The following RIPOR2 variants were observed in gnomAD, a reference collection of about 807,000 sequenced individuals.
The protein encoded by RIPOR2 is RHO family interacting cell polarization regulator 2, also known as rho family-interacting cell polarization regulator 2.
Under a neutral mutation model 114.5 loss-of-function variants are expected in RIPOR2, and 39 were observed. That is an observed-to-expected ratio of 0.34 (90% CI 0.26 to 0.44). The LOEUF is 0.44. Ranked by LOEUF, RIPOR2 falls within the 20% of genes least tolerant of loss-of-function variation. The pLI, the probability that RIPOR2 is intolerant of heterozygous loss-of-function variation, is 1.00. For missense variants in RIPOR2, 1,007 were observed against 1,255.1 expected (o/e 0.80, Z 2.99); for synonymous variants, 445 against 484.4 (o/e 0.92, Z 1.07).
At chr6:24,869,849 C>A (rs1003132702) in intron 5 of RIPOR2, among the ~76,000 whole-genome samples, 8 of 152,070 alleles carry the variant, frequency 5.3e-5, no homozygotes, top group Admixed American at 1.3e-4. Flanking sequence ...AATTGGGGTG[C>A]ATTTTACAAT....
At chr6:24,848,399 C>T (rs959139845) in intron 11 of RIPOR2, among the ~76,000 whole-genome samples, 6 of 152,176 alleles carry the variant, frequency 3.9e-5, no homozygotes, top group Admixed American at 6.5e-5. Context: ...CACAATTTAG[C>T]TATACACTTA....
At chr6:24,806,639 C>G (rs2113611829) in intron 21 of RIPOR2, among the ~76,000 whole-genome samples, 166 bp from the exon 22 acceptor site, 1 of 152,214 alleles carries the variant, frequency 6.6e-6, no homozygotes, top group African/African-American at 2.4e-5. Context: ...TCATTGTTTT[C>G]CAGGTAATGC....
chr6:25,023,288 T>C (rs1317087068), intron 1 of RIPOR2: 18 of 763,688 alleles, frequency 2.4e-5, no homozygotes, highest in Non-Finnish European at 4.1e-5. Context: ...ATGATATTCC[T>C]ATTCCTTCAG....
chr6:24,843,056 C>G lies in RIPOR2; in HGVS notation c.1663G>C (p.Val555Leu). The change falls in exon 13 of 22, where the codon GTG (valine) becomes CTG (leucine). Residue 555 changes from valine to leucine, a missense_variant. Transcript: ENST00000643898. ...QLVKRLTSAE[V>L]PMATDRLLSE... is the part of the protein sequence containing the mutation. ...AGCAGCCTGTCTGTGGCCATTGGCACCTCTGCAGATGTGAGCCTCTTGACC... is the reference window on the plus strand; with the variant it reads ...AGCAGCCTGTCTGTGGCCATTGGCAGCTCTGCAGATGTGAGCCTCTTGACC... 1 of 1,613,576 alleles carries G rather than the reference C, an allele frequency of 6.2e-7. No individual in the cohort carries two copies. The highest frequency in any genetic ancestry group is 8.5e-7 in the Non-Finnish European group (1 of 1,179,608).
At chr6:24,899,930 T>C (rs1463735164) in intron 1 of RIPOR2, among the ~76,000 whole-genome samples, 1 of 152,226 alleles carries the variant, frequency 6.6e-6, no homozygotes, top group Admixed American at 6.5e-5. Flanking sequence ...TGATAGGGCA[T>C]CTTTGCAGAC....
chr6:25,013,393 A>T, intron 1 of RIPOR2, among the ~76,000 whole-genome samples: 1 of 151,950 alleles, frequency 6.6e-6, no homozygotes. Context: ...GGGCAGGGGG[A>T]ATGAATGAGG....
chr6:24,945,082 T>C (rs1418468236), intron 1 of RIPOR2, among the ~76,000 whole-genome samples: 7 of 152,138 alleles, frequency 4.6e-5, no homozygotes, highest in African/African-American at 1.7e-4. Flanking sequence ...CTGATTTGTA[T>C]ATATTCCATA....
chr6:24,885,018 A>G (rs537931949), intron 1 of RIPOR2, among the ~76,000 whole-genome samples: 1 of 152,332 alleles, frequency 6.6e-6, no homozygotes, highest in Admixed American at 6.5e-5. Flanking sequence ...CAATATAATT[A>G]TTAAGTATAT....
At position 24,818,522 on chromosome 6, in the gene RIPOR2, G is replaced by A; in HGVS notation, c.2952+20C>T. ...GGCTCCAAGCTGAGCTGCCAGGGGA[G>A]CTCCAAGGCTGGGCTTTACCTCAAG... On this transcript the variant is annotated intron_variant, in intron 20 of 21. Coordinates refer to ENST00000643898, the MANE Select transcript of RIPOR2 (RefSeq NM_001286445.3). 1 of 1,510,990 alleles carries A rather than the reference G, an allele frequency of 6.6e-7. No individual in the cohort carries two copies. The highest frequency in any genetic ancestry group is 9.0e-7 in the Non-Finnish European group (1 of 1,113,448). 93.6% of individuals were successfully genotyped at this position (1,510,990 alleles called of 1,614,324 possible).
chr6:24,925,317 G>A (rs1173341040), intron 1 of RIPOR2, among the ~76,000 whole-genome samples: 1 of 152,224 alleles, frequency 6.6e-6, no homozygotes, highest in African/African-American at 2.4e-5. Flanking sequence ...CTGCATTGTA[G>A]TCCTTGTTGT....
intron 1 of RIPOR2, among the ~76,000 whole-genome samples, chr6:25,016,147 T>C (rs1030216081): frequency 1.3e-5 from 2 of 151,974 alleles, no homozygotes; most frequent in Admixed American, 1.3e-4. Context: ...CCTTAGGTGA[T>C]TCACCCGCCT....
At chr6:24,871,933 T>A (rs1765219964) in intron 4 of RIPOR2, among the ~76,000 whole-genome samples, 1 of 152,188 alleles carries the variant, frequency 6.6e-6, no homozygotes, top group African/African-American at 2.4e-5. Flanking sequence ...GCAATTTATA[T>A]CCTAACATCA....
intron 1 of RIPOR2, among the ~76,000 whole-genome samples, chr6:24,951,594 T>C (rs981216153): frequency 6.6e-6 from 1 of 152,208 alleles, no homozygotes; most frequent in Admixed American, 6.5e-5. Context: ...TCTGCTACTC[T>C]AGTTGTTTTT....
chr6:24,968,694 C>T (rs543300094), intron 1 of RIPOR2, among the ~76,000 whole-genome samples: 9 of 152,246 alleles, frequency 5.9e-5, no homozygotes, highest in Admixed American at 3.3e-4. Flanking sequence ...TTCAGAATCA[C>T]GCACATGCCA....
intron 1 of RIPOR2, among the ~76,000 whole-genome samples, chr6:25,029,159 G>A (rs1206544644): frequency 3.9e-5 from 6 of 152,052 alleles, no homozygotes; most frequent in African/African-American, 1.4e-4. Context: ...ATGGTGGCGC[G>A]CATCTGTAGT....
In RIPOR2 at chr6:24,870,885, A is replaced by T; in HGVS notation, c.428T>A (p.Val143Glu). The change falls in exon 5 of 22, where the codon GTA becomes GAA. Residue 143 changes from valine (V) to glutamate (E), a missense_variant. Physicochemically the swap from Val to Glu is moderately radical, Grantham distance 121. Coordinates refer to ENST00000643898, the MANE Select transcript of RIPOR2 (RefSeq NM_001286445.3). ...KDMKRNSRLG[V>E]LYDLDKQIKT... is the part of the protein sequence containing the mutation. The stretch of plus-strand genomic sequence containing the variant: ...ACTTACCTTGTCTAGGTCATACAGT[A>T]CACCCTACAATAAAAAAAGGAATAT... The T allele has an allele frequency of 6.3e-7, 1 of 1,595,406 alleles. No individual in the cohort carries two copies.
intron 1 of RIPOR2, among the ~76,000 whole-genome samples, chr6:24,978,610 T>C (rs1291619449): frequency 6.6e-6 from 1 of 152,168 alleles, no homozygotes; most frequent in Non-Finnish European, 1.5e-5. Context: ...AGTTTGATCC[T>C]TTTTTTGGTC....
intron 1 of RIPOR2, among the ~76,000 whole-genome samples, chr6:24,978,800 T>C (rs999150581): frequency 6.6e-6 from 1 of 152,212 alleles, no homozygotes. Context: ...AGGGCTGTTA[T>C]AAGATTTAAA....
At chr6:25,004,548 A>G (rs917908235) in intron 1 of RIPOR2, among the ~76,000 whole-genome samples, 1 of 152,186 alleles carries the variant, frequency 6.6e-6, no homozygotes, top group Non-Finnish European at 1.5e-5. Flanking sequence ...GCCTGCAAAC[A>G]GCACTGATTT....
Sources: gnomAD v4.1 joint callset for allele counts (sites outside exome capture counted in the v4.1 genomes callset) on GRCh38, gnomAD v4.1.1 for gene constraint, MANE v1.5 for transcripts, NCBI Gene and HGNC (gene_info 2026-07-23, HGNC 2026-07-21) for gene names.